Variants in DACH2 observed in about 807,000 individuals in gnomAD.
The protein encoded by DACH2 is dachshund homolog 2.
In DACH2, 17 loss-of-function variants were observed where a neutral mutation model predicts 35.8. That is an observed-to-expected ratio of 0.48 (90% CI 0.33 to 0.71). The LOEUF is 0.71. Ranked by LOEUF, DACH2 falls within the 30% of genes least tolerant of loss-of-function variation. The pLI, the probability that DACH2 is intolerant of heterozygous loss-of-function variation, is 0.02. For missense variants in DACH2, 469 were observed against 472.7 expected (o/e 0.99, Z 0.07); for synonymous variants, 195 against 177.3 (o/e 1.10, Z -0.79).
intron 1 of DACH2, among the ~76,000 whole-genome samples, chrX:86,255,974 AC>A (rs1320815855): frequency 9.0e-6 from 1 of 111,126 alleles, no homozygotes; most frequent in East Asian, 2.8e-4. Context: ...ACCTGCCCAA[AC>A]CCCCACATGA....
Position 86,720,104 on chromosome X carries a change from C to CT in DACH2, c.1104+5390dup, listed in dbSNP as rs773924442. Among the ~76,000 whole-genome samples the CT allele has an allele frequency of 2.8e-5, 3 of 107,630 alleles. No homozygotes were observed. In the South Asian group the frequency reaches 1.3e-3, roughly 46 times the overall value. The allele number at this position is 107,630 out of a possible 115,157, so 93.5% of individuals were successfully genotyped here. A position where few individuals can be genotyped will look rare whatever the true frequency, so the allele number is the denominator to read the frequency against. ...AGGCCCCCGCCACCATGCCCAGCTA[C>CT]TTTTTTGTATTTTTAGTAGAGACGG... On this transcript the variant is annotated intron_variant, in intron 6 of 11. Coordinates refer to ENST00000373125, the MANE Select transcript of DACH2 (RefSeq NM_053281.3).
At chrX:86,538,973 T>C (rs2038842439) in intron 3 of DACH2, among the ~76,000 whole-genome samples, 1 of 110,540 alleles carries the variant, frequency 9.0e-6, no homozygotes, top group Non-Finnish European at 1.9e-5. Flanking sequence ...GAGCCAAATG[T>C]GTTTACCATA....
chrX:86,597,704 T>C (rs1158069470), intron 3 of DACH2, among the ~76,000 whole-genome samples: 1 of 111,765 alleles, frequency 8.9e-6, no homozygotes, highest in Admixed American at 9.6e-5. Flanking sequence ...TCAAACTTTA[T>C]ATTTCCTTAG....
chrX:86,318,626 T>G (rs917215917), intron 1 of DACH2, among the ~76,000 whole-genome samples: 1 of 111,059 alleles, frequency 9.0e-6, no homozygotes, highest in African/African-American at 3.3e-5. Flanking sequence ...ATTTTAATAT[T>G]ATTCTCTAAG....
At chrX:86,489,553 A>C (rs1384862144) in intron 2 of DACH2, among the ~76,000 whole-genome samples, 2 of 111,415 alleles carry the variant, frequency 1.8e-5, no homozygotes, top group African/African-American at 6.5e-5. Flanking sequence ...ATGTGAAGTA[A>C]TGCGTATGTT....
At chrX:86,466,733 G>A (rs751565410) in intron 2 of DACH2, among the ~76,000 whole-genome samples, 95 of 111,653 alleles carry the variant, frequency 8.5e-4, no homozygotes, top group African/African-American at 3.0e-3. Context: ...AAATCTAGGT[G>A]GAGGTTCCCA....
intron 1 of DACH2, among the ~76,000 whole-genome samples, chrX:86,206,855 A>G (rs1449752432): frequency 8.9e-6 from 1 of 112,042 alleles, no homozygotes; most frequent in Non-Finnish European, 1.9e-5. Flanking sequence ...CGAAGAGGCT[A>G]ATGCACTTTC....
chrX:86,807,832 A>T (rs958826022), intron 7 of DACH2, among the ~76,000 whole-genome samples: 2 of 112,525 alleles, frequency 1.8e-5, no homozygotes, highest in Non-Finnish European at 3.8e-5. Context: ...TTTATCTGAA[A>T]TTCAAATTCC....
intron 2 of DACH2, among the ~76,000 whole-genome samples, chrX:86,424,076 G>T (rs1373183819): frequency 9.0e-6 from 1 of 110,580 alleles, no homozygotes; most frequent in East Asian, 2.9e-4. Context: ...ATCTTGTTTT[G>T]GTTCCTATAG....
intron 2 of DACH2, among the ~76,000 whole-genome samples, chrX:86,452,681 T>C (rs996894325): frequency 4.5e-5 from 5 of 111,866 alleles, no homozygotes; most frequent in Non-Finnish European, 3.8e-5. Flanking sequence ...CCCTTTATCA[T>C]TTCTGATTGT....
At chrX:86,383,638 A>T (rs1174096804) in intron 2 of DACH2, among the ~76,000 whole-genome samples, 1 of 103,788 alleles carries the variant, frequency 9.6e-6, no homozygotes, top group African/African-American at 3.5e-5. Context: ...TTCTTTTATT[A>T]TTGAAAACCC....
chrX:86,191,666 C>T (rs924600265), intron 1 of DACH2, among the ~76,000 whole-genome samples: 2 of 111,216 alleles, frequency 1.8e-5, no homozygotes, highest in African/African-American at 6.5e-5. Context: ...TTTTTCTAGC[C>T]GCGGTGGCTC....
chrX:86,392,975 G>A (rs2036226676), intron 2 of DACH2, among the ~76,000 whole-genome samples: 1 of 110,574 alleles, frequency 9.0e-6, no homozygotes, highest in Admixed American at 9.7e-5. Flanking sequence ...CATCTAGTGG[G>A]TAGCAGTCAG....
intron 2 of DACH2, among the ~76,000 whole-genome samples, chrX:86,443,142 G>C (rs907290368): frequency 1.3e-4 from 14 of 111,503 alleles, no homozygotes; most frequent in African/African-American, 4.6e-4. Flanking sequence ...AGATTGCATT[G>C]AATCTGTAAT....
intron 1 of DACH2, among the ~76,000 whole-genome samples, chrX:86,204,592 G>T (rs749248781): frequency 4.0e-4 from 45 of 111,882 alleles, no homozygotes; most frequent in African/African-American, 1.4e-3. Flanking sequence ...TTTAGAATGA[G>T]TTGCGTCAGT....
intron 2 of DACH2, among the ~76,000 whole-genome samples, chrX:86,468,330 G>T (rs1265110932): frequency 9.9e-5 from 11 of 110,949 alleles, no homozygotes; most frequent in Non-Finnish European, 1.9e-4. Context: ...TCACTGTGGA[G>T]CTCTCCTCTT....
At chrX:86,418,763 A>G (rs771029959) in intron 2 of DACH2, among the ~76,000 whole-genome samples, 1 of 111,806 alleles carries the variant, frequency 8.9e-6, no homozygotes, top group African/African-American at 3.2e-5. Context: ...GCTCCTCATT[A>G]CTTGTGCTTG....
At chrX:86,202,330 G>C (rs242875) in intron 1 of DACH2, among the ~76,000 whole-genome samples, 21,492 of 110,836 alleles carry the variant, frequency 0.19, 5,006 homozygotes, top group African/African-American at 0.67. Flanking sequence ...AAGAAAGTGC[G>C]ATTGAAACAG....
At chrX:86,495,145 T>C (rs1169807151) in intron 2 of DACH2, among the ~76,000 whole-genome samples, 1 of 110,841 alleles carries the variant, frequency 9.0e-6, no homozygotes, top group Non-Finnish European at 1.9e-5. Context: ...CCTCCCAGTT[T>C]CAAGTGATTC....
Sources: gnomAD v4.1 joint callset for allele counts (sites outside exome capture counted in the v4.1 genomes callset) on GRCh38, gnomAD v4.1.1 for gene constraint, MANE v1.5 for transcripts, NCBI Gene and HGNC (gene_info 2026-07-23, HGNC 2026-07-21) for gene names.